The following B3GALT1 variants were observed in gnomAD, a reference collection of about 807,000 sequenced individuals.
The protein encoded by B3GALT1 is beta-1,3-galactosyltransferase 1, also known as UDP-Gal:betaGlcNAc beta 1,3-galactosyltransferase, polypeptide 1.
A neutral mutation model predicts 23.2 loss-of-function variants in B3GALT1; 10 were observed. The observed-to-expected ratio is 0.43, with a 90% CI of 0.27 to 0.73. The LOEUF (loss-of-function observed/expected upper bound fraction) is 0.73. B3GALT1 is among the 30% of genes least tolerant of loss of function. The pLI is 0.21. For synonymous variants in B3GALT1, 156 were observed against 141.5 expected (o/e 1.10, Z -0.73); for missense variants, 299 against 405.4 (o/e 0.74, Z 2.25).
chr2:167,659,715 C>T (rs564346357), intron 3 of B3GALT1, among the ~76,000 whole-genome samples: 81 of 152,112 alleles, frequency 5.3e-4, no homozygotes, highest in African/African-American at 1.6e-3. Context: ...TTTAATCTCT[C>T]GTGACTTGCT....
intron 3 of B3GALT1, chr2:167,715,586 G>A (rs1687129515): frequency 6.2e-7 from 1 of 1,613,854 alleles, no homozygotes; most frequent in Admixed American, 1.7e-5. Flanking sequence ...ATCTTGTGGA[G>A]AATGTTTAGA....
chr2:167,670,602 A>C (rs1008378491), intron 3 of B3GALT1, among the ~76,000 whole-genome samples: 2 of 152,222 alleles, frequency 1.3e-5, no homozygotes, highest in African/African-American at 4.8e-5. Flanking sequence ...GTAGTTCAAA[A>C]TAATTGTTTT....
chr2:167,794,824 AT>A (rs1438722547), intron 3 of B3GALT1, among the ~76,000 whole-genome samples: 4 of 152,188 alleles, frequency 2.6e-5, no homozygotes, highest in African/African-American at 9.7e-5. Context: ...AGACAAAGCG[AT>A]TTCTCACCTT....
At chr2:167,565,445 G>A (rs1684139600) in intron 2 of B3GALT1, among the ~76,000 whole-genome samples, 1 of 152,188 alleles carries the variant, frequency 6.6e-6, no homozygotes, top group African/African-American at 2.4e-5. Flanking sequence ...ACATAGGCAA[G>A]GGCAAGAACT....
intron 2 of B3GALT1, among the ~76,000 whole-genome samples, chr2:167,548,980 T>A (rs1683699679): frequency 6.6e-6 from 1 of 152,220 alleles, no homozygotes; most frequent in Non-Finnish European, 1.5e-5. Flanking sequence ...ATACTCTTAC[T>A]GGCATATGAT....
At chr2:167,516,332 G>A (rs1307084720) in intron 2 of B3GALT1, among the ~76,000 whole-genome samples, 1 of 152,036 alleles carries the variant, frequency 6.6e-6, no homozygotes, top group East Asian at 1.9e-4. Context: ...CTGCCTAAGC[G>A]AGTTCTCTAA....
At chr2:167,417,444 T>C (rs1698488692) in intron 1 of B3GALT1, among the ~76,000 whole-genome samples, 1 of 152,204 alleles carries the variant, frequency 6.6e-6, no homozygotes, top group African/African-American at 2.4e-5. Flanking sequence ...TCAGGCTCCG[T>C]AACTGTAAGA....
At chr2:167,641,717 G>A (rs1174297935) in intron 2 of B3GALT1, among the ~76,000 whole-genome samples, 1 of 152,040 alleles carries the variant, frequency 6.6e-6, no homozygotes, top group Admixed American at 6.6e-5. Context: ...GACTGGCCTT[G>A]GTTTTCTCTG....
At chr2:167,636,171 T>C (rs558198049) in intron 2 of B3GALT1, among the ~76,000 whole-genome samples, 177 of 152,038 alleles carry the variant, frequency 1.2e-3, no homozygotes, top group African/African-American at 3.7e-3. Context: ...GCTGAGGAGA[T>C]TAAGACTCTC....
intron 3 of B3GALT1, among the ~76,000 whole-genome samples, chr2:167,647,304 C>G (rs1226918763): frequency 3.3e-5 from 5 of 152,136 alleles, no homozygotes; most frequent in Admixed American, 2.6e-4. Flanking sequence ...ATATTTCTTA[C>G]AGCACCAAGC....
At chr2:167,375,163 T>C (rs1198307830) in intron 1 of B3GALT1, among the ~76,000 whole-genome samples, 19 of 152,102 alleles carry the variant, frequency 1.2e-4, no homozygotes, top group Non-Finnish European at 2.8e-4. Context: ...GTGGCTTTAC[T>C]TCTCTGGGTT....
rs146973998 is a variant in B3GALT1 at position 167,691,792 on chromosome 2, G to A, written c.-352+44826G>A. On this transcript the variant is annotated intron_variant, in intron 3 of 4. Transcript: ENST00000392690. Reference sequence around the variant, plus strand: ...GTAGCTTAAAAGGCATAGATAAAATGTATAAGCTGTGTTAGATAAAGATAA... The same window carrying A: ...GTAGCTTAAAAGGCATAGATAAAATATATAAGCTGTGTTAGATAAAGATAA... 8.7e-4 allele frequency among the ~76,000 whole-genome samples: 133 copies of A among 152,274 alleles called. No individual in the cohort carries two copies. The East Asian group carries it at 0.013, about 15-fold the overall frequency.
intron 1 of B3GALT1, among the ~76,000 whole-genome samples, chr2:167,302,007 C>T (rs1696455740): frequency 6.6e-6 from 1 of 152,056 alleles, no homozygotes; most frequent in South Asian, 2.1e-4. Context: ...GGAATTAATT[C>T]CATGGAATTA....
At chr2:167,398,206 A>G (rs1698126716) in intron 1 of B3GALT1, among the ~76,000 whole-genome samples, 1 of 152,108 alleles carries the variant, frequency 6.6e-6, no homozygotes, top group Non-Finnish European at 1.5e-5. Context: ...TACTGGAGTT[A>G]GTGGTTATGC....
chr2:167,820,975 A>C (rs1288865222), intron 4 of B3GALT1, among the ~76,000 whole-genome samples: 1 of 152,184 alleles, frequency 6.6e-6, no homozygotes, highest in Non-Finnish European at 1.5e-5. Context: ...CTCATATTTT[A>C]TCTCTGCCTC....
intron 1 of B3GALT1, among the ~76,000 whole-genome samples, chr2:167,358,217 C>T (rs929853252): frequency 2.6e-5 from 4 of 152,124 alleles, no homozygotes; most frequent in Non-Finnish European, 4.4e-5. Flanking sequence ...GCAGAAAAAC[C>T]AAGATAAGTC....
rs144924687 is a variant in B3GALT1, at chr2:167,801,298, A to G, written c.-351-17374A>G. ...TTTGTATTCTCTCTGAATGAATAAG[A>G]GAAATCATTGTAGACATAGGAGATG... On this transcript the variant is annotated intron_variant, in intron 3 of 4. Coordinates refer to ENST00000392690, the MANE Select transcript of B3GALT1 (RefSeq NM_020981.4). Among the ~76,000 whole-genome samples the G allele has an allele frequency of 8.4e-3, 1,281 of 152,366 alleles. 8 individuals carry two copies. Among genetic ancestry groups the G allele is most frequent in the Non-Finnish European group, 0.013 (855 of 68,036 alleles).
intron 2 of B3GALT1, among the ~76,000 whole-genome samples, chr2:167,594,149 G>C (rs1168767937): frequency 2.0e-5 from 3 of 152,158 alleles, no homozygotes; most frequent in African/African-American, 7.2e-5. Context: ...TATATTAATA[G>C]TGGTTATCTC....
intron 2 of B3GALT1, among the ~76,000 whole-genome samples, chr2:167,596,855 GAATTA>G (rs1684782564): frequency 6.6e-6 from 1 of 152,142 alleles, no homozygotes; most frequent in Non-Finnish European, 1.5e-5. Flanking sequence ...AACAGAGTGT[GAATTA>G]AATGGCATAA....
Sources: allele counts gnomAD v4.1 joint callset (sites outside exome capture counted in the v4.1 genomes callset), GRCh38; gene constraint gnomAD v4.1.1; transcripts MANE v1.5; gene names NCBI Gene and HGNC (gene_info 2026-07-23, HGNC 2026-07-21).